The following NIBAN1 variants were observed in gnomAD, a reference collection of about 807,000 sequenced individuals.
NIBAN1 encodes the protein protein Niban 1.
In NIBAN1, 81 loss-of-function variants were observed where a neutral mutation model predicts 75.1. The observed-to-expected ratio is 1.08, with a 90% CI of 0.90 to 1.30. NIBAN1 has a LOEUF of 1.30. Ranked by LOEUF, NIBAN1 falls within the 50% of genes most tolerant of loss-of-function variation. The pLI, the probability that NIBAN1 is intolerant of heterozygous loss-of-function variation, is 0.00. For missense variants in NIBAN1, 1,133 were observed against 1,128.1 expected (o/e 1.00, Z -0.06); for synonymous variants, 436 against 424.8 (o/e 1.03, Z -0.32).
chr1:184,819,956 C>A (rs1654648287), intron 8 of NIBAN1, among the ~76,000 whole-genome samples: 1 of 152,192 alleles, frequency 6.6e-6, no homozygotes, highest in Non-Finnish European at 1.5e-5. Flanking sequence ...CAGAGTTGTG[C>A]AGGACCAGAT....
intron 5 of NIBAN1, among the ~76,000 whole-genome samples, chr1:184,851,684 A>G (rs1571517989): frequency 6.6e-6 from 1 of 152,088 alleles, no homozygotes; most frequent in East Asian, 1.9e-4. Context: ...TATACATTAC[A>G]TATATATCCT....
chr1:184,879,474 T>A (rs1158169184), intron 5 of NIBAN1, among the ~76,000 whole-genome samples: 1 of 152,120 alleles, frequency 6.6e-6, no homozygotes, highest in African/African-American at 2.4e-5. Flanking sequence ...TTGATTGATC[T>A]CCACACTAGA....
rs112833638 is a variant in NIBAN1, at chr1:184,804,747, G to T, written c.1447-1055C>A. Among the ~76,000 whole-genome samples the T allele has an allele frequency of 4.2e-3, 628 of 148,640 alleles. 4 individuals are homozygous for T. Among genetic ancestry groups the T allele is most frequent in the African/African-American group, 0.015 (600 of 40,602 alleles). Reference sequence around the variant, plus strand: ...AGTTGCATTGCAATTTCATCATTATGTGTGTTATCATGAGCAATATTGGTG... The same window carrying T: ...AGTTGCATTGCAATTTCATCATTATTTGTGTTATCATGAGCAATATTGGTG... On this transcript the variant is annotated intron_variant, in intron 11 of 13. Coordinates refer to ENST00000367511, the MANE Select transcript of NIBAN1 (RefSeq NM_052966.4).
At chr1:184,890,343 T>C in intron 3 of NIBAN1, 121 bp from the exon 4 acceptor site, 3 of 690,796 alleles carry the variant, frequency 4.3e-6, no homozygotes, top group Non-Finnish European at 7.7e-6. Context: ...CATACTATGT[T>C]ATTGAGTTAT....
rs761490381 is a variant in NIBAN1, at chr1:184,831,936, C to T, written c.628G>A (p.Ala210Thr). The T allele has an allele frequency of 1.2e-6, 2 of 1,613,748 alleles. No homozygotes were observed. Among genetic ancestry groups the T allele is most frequent in the African/African-American group, 1.3e-5 (1 of 74,884 alleles). Residue 210 changes from alanine to threonine, a missense_variant, in exon 6 of 14, where the codon GCC becomes ACC. Transcript: ENST00000367511. Reference protein sequence around the residue: ...HDYMKQMTFEAQAFLEAVQFF... With the variant: ...HDYMKQMTFETQAFLEAVQFF... ...TGCACAGCTTCTAAAAAGGCTTGGG[C>T]TTCAAATGTCATCTGCTTCATGTAA... is the stretch of plus-strand genomic sequence containing the variant.
chr1:184,804,423 A>G (rs11580752), intron 11 of NIBAN1, among the ~76,000 whole-genome samples: 11 of 152,244 alleles, frequency 7.2e-5, no homozygotes, highest in Non-Finnish European at 1.3e-4. Context: ...TGAAGGGGGT[A>G]GAACTGGAAT....
intron 1 of NIBAN1, among the ~76,000 whole-genome samples, chr1:184,953,887 C>G (rs1379242337): frequency 6.6e-6 from 1 of 152,166 alleles, no homozygotes. Context: ...TGAGAAAGTT[C>G]AGAGAAAATG....
intron 5 of NIBAN1, among the ~76,000 whole-genome samples, chr1:184,871,347 CAAAAAAAAA>C (rs10658216): frequency 0.31 from 10,611 of 34,712 alleles, 1,499 homozygotes; most frequent in African/African-American, 0.5. Context: ...AACTCTATCT[CAAAAAAAAA>C]AAAAAAAAAA....
At chr1:184,828,932 G>T (rs1654920222) in intron 6 of NIBAN1, among the ~76,000 whole-genome samples, 1 of 152,018 alleles carries the variant, frequency 6.6e-6, no homozygotes, top group Admixed American at 6.6e-5. Flanking sequence ...AAATAGCTGG[G>T]ACTACCTGCA....
chr1:184,839,978 T>C (rs1033527806), intron 5 of NIBAN1, among the ~76,000 whole-genome samples: 2 of 152,208 alleles, frequency 1.3e-5, no homozygotes, highest in East Asian at 1.9e-4. Context: ...AGTTTGATCA[T>C]AGATTAGAGA....
chr1:184,867,312 T>C (rs6690708), intron 5 of NIBAN1, among the ~76,000 whole-genome samples: 11,980 of 152,054 alleles, frequency 0.079, 1,589 homozygotes, highest in African/African-American at 0.27. Flanking sequence ...CCAGGAAAAA[T>C]ATCTCCCTCT....
chr1:184,823,095 T>C, intron 8 of NIBAN1, 72 bp downstream of exon 8: 1 of 1,520,408 alleles, frequency 6.6e-7, no homozygotes, highest in Admixed American at 1.8e-5. Context: ...AAACCATGCA[T>C]TCCTGCTATG....
At chr1:184,928,883 G>C (rs532999872) in intron 1 of NIBAN1, among the ~76,000 whole-genome samples, 2 of 152,228 alleles carry the variant, frequency 1.3e-5, no homozygotes, top group South Asian at 4.2e-4. Context: ...AATCGCTGGA[G>C]GCTTCTATTA....
At chr1:184,799,964 C>G (rs2102183139) in intron 12 of NIBAN1, among the ~76,000 whole-genome samples, 1 of 99,352 alleles carries the variant, frequency 1.0e-5, no homozygotes, top group African/African-American at 5.3e-5. Context: ...CCAGGATGGT[C>G]TCGATCTCCT....
intron 1 of NIBAN1, among the ~76,000 whole-genome samples, chr1:184,913,180 G>T (rs1381757603): frequency 2.4e-5 from 2 of 82,060 alleles, no homozygotes; most frequent in South Asian, 4.1e-4. Flanking sequence ...TTCATACCAT[G>T]CAGGTATATA....
chr1:184,825,790 G>A (rs1285499588), intron 6 of NIBAN1, among the ~76,000 whole-genome samples: 1 of 152,186 alleles, frequency 6.6e-6, no homozygotes, highest in Non-Finnish European at 1.5e-5. Context: ...GCAATCATAG[G>A]CTGCACACTA....
At chr1:184,919,147 T>C (rs1657466488) in intron 1 of NIBAN1, among the ~76,000 whole-genome samples, 1 of 152,242 alleles carries the variant, frequency 6.6e-6, no homozygotes, top group Non-Finnish European at 1.5e-5. Context: ...TAAAGTAATA[T>C]GTTTAGCTAT....
intron 1 of NIBAN1, among the ~76,000 whole-genome samples, chr1:184,967,598 C>G (rs936915983): frequency 6.6e-6 from 1 of 152,028 alleles, no homozygotes; most frequent in Non-Finnish European, 1.5e-5. Context: ...TCAAACCTTC[C>G]CAGAGATTAC....
rs751710345 is a variant in NIBAN1 at position 184,884,652 on chromosome 1, G to T, written c.582C>A (p.Cys194Ter). The change falls in exon 5 of 14, where the codon TGC (cysteine) becomes TGA (stop). Residue 194 changes from cysteine (C) to a stop codon, truncating the protein, a stop_gained. Coordinates refer to ENST00000367511, the MANE Select transcript of NIBAN1 (RefSeq NM_052966.4). LOFTEE classifies it high-confidence loss of function. ...QKRFSALLSD[C>*]VRHLNHDYMK... is the part of the protein sequence containing the mutation. ...CCATACCATGATTGAGATGCCTGAC[G>T]CAGTCACTCAGGAGGGCACTAAACC... 3 of 1,614,078 alleles carry T rather than the reference G, an allele frequency of 1.9e-6. No individual in the cohort carries two copies. The highest frequency in any genetic ancestry group is 2.2e-5 in the East Asian group (1 of 44,864).
Sources: allele counts gnomAD v4.1 joint callset (sites outside exome capture counted in the v4.1 genomes callset), GRCh38; gene constraint gnomAD v4.1.1; transcripts MANE v1.5; gene names NCBI Gene and HGNC (gene_info 2026-07-23, HGNC 2026-07-21).